Variants in WWOX observed in about 807,000 individuals in gnomAD.
WWOX encodes the protein WW domain containing oxidoreductase.
In WWOX, 69 loss-of-function variants were observed where a neutral mutation model predicts 46.2. That is an observed-to-expected ratio of 1.49 (90% CI 1.23 to 1.82). WWOX has a LOEUF of 1.82. Ranked by LOEUF, WWOX falls within the 40% of genes most tolerant of loss-of-function variation. The pLI, the probability that WWOX is intolerant of heterozygous loss-of-function variation, is 0.00. For missense variants in WWOX, 919 were observed against 542.6 expected (o/e 1.69, Z -6.89); for synonymous variants, 359 against 202.6 (o/e 1.77, Z -6.56).
intron 8 of WWOX, among the ~76,000 whole-genome samples, chr16:79,176,393 C>A (rs1270563825): frequency 6.6e-6 from 1 of 152,148 alleles, no homozygotes; most frequent in East Asian, 1.9e-4. Context: ...TGGCTATCTC[C>A]CACTGAAAAG....
At chr16:78,172,533 A>C (rs547731812) in intron 5 of WWOX, among the ~76,000 whole-genome samples, 3 of 150,518 alleles carry the variant, frequency 2.0e-5, no homozygotes, top group African/African-American at 7.3e-5. Context: ...AAAATTTTGC[A>C]CCGACTTAGT....
chr16:78,237,315 C>G (rs1285311992), intron 5 of WWOX: 1 of 152,120 alleles, frequency 6.6e-6, no homozygotes, highest in Non-Finnish European at 1.5e-5. Context: ...ACTTTTTAAT[C>G]TATTGTTTTT....
intron 8 of WWOX, among the ~76,000 whole-genome samples, chr16:78,531,158 G>A (rs1344833586): frequency 2.0e-5 from 3 of 152,170 alleles, no homozygotes; most frequent in Non-Finnish European, 4.4e-5. Context: ...TTCTCACAAT[G>A]TAGAAATTAA....
intron 8 of WWOX, among the ~76,000 whole-genome samples, chr16:78,470,431 G>C (rs2084193858): frequency 6.6e-6 from 1 of 152,152 alleles, no homozygotes; most frequent in South Asian, 2.1e-4. Flanking sequence ...GAGATAACCA[G>C]AAATAACTAA....
At position 79,171,657 on chromosome 16, in the gene WWOX, G is replaced by T. The variant is rs1251754681; in HGVS notation, c.1057-39951G>T. Reference sequence around the variant, plus strand: ...ACCCAAGGGAGACTGGTTCTTCACTGTGCATCATGGCCTTTTAATGCCATT... The same window carrying T: ...ACCCAAGGGAGACTGGTTCTTCACTTTGCATCATGGCCTTTTAATGCCATT... On this transcript the variant is annotated intron_variant, in intron 8 of 8. Transcript: ENST00000566780. Among the ~76,000 whole-genome samples, 3 of 152,128 alleles carry T rather than the reference G, an allele frequency of 2.0e-5. No individual in the cohort carries two copies. The East Asian group carries it at 5.8e-4, about 29-fold the overall frequency.
At chr16:78,775,503 C>T (rs771462931) in intron 8 of WWOX, among the ~76,000 whole-genome samples, 14 of 152,068 alleles carry the variant, frequency 9.2e-5, no homozygotes, top group African/African-American at 1.4e-4. Flanking sequence ...GTCACTGTAG[C>T]GCCCTCCGGG....
intron 8 of WWOX, among the ~76,000 whole-genome samples, chr16:78,868,521 T>C (rs907922718): frequency 1.3e-5 from 2 of 152,204 alleles, no homozygotes; most frequent in African/African-American, 2.4e-5. Flanking sequence ...TCATATGGTA[T>C]GTGAATTTCA....
chr16:78,913,508 G>C (rs999503074), intron 8 of WWOX, among the ~76,000 whole-genome samples: 2 of 151,946 alleles, frequency 1.3e-5, no homozygotes, highest in African/African-American at 2.4e-5. Context: ...ACACAAGCTG[G>C]ATAGAGCCAG....
intron 8 of WWOX, among the ~76,000 whole-genome samples, chr16:78,662,371 C>T (rs73565277): frequency 2.0e-5 from 3 of 152,262 alleles, no homozygotes; most frequent in South Asian, 2.1e-4. Flanking sequence ...AATGAGACAT[C>T]TAGTTTTTTT....
chr16:79,060,947 C>T lies in WWOX; in HGVS notation c.1057-150661C>T, dbSNP rs1280555773. Among the ~76,000 whole-genome samples the T allele has an allele frequency of 2.6e-5, 4 of 152,282 alleles. No homozygotes were observed. The East Asian group carries it at 5.8e-4, about 22-fold the overall frequency. On this transcript the variant is annotated intron_variant, in intron 8 of 8. Coordinates refer to ENST00000566780, the MANE Select transcript of WWOX (RefSeq NM_016373.4). Reference sequence around the variant, plus strand: ...CTATGAAATAGATGTTGTTATTTCACTGATGGAAAAACAAGCACAGAGAGG... The same window carrying T: ...CTATGAAATAGATGTTGTTATTTCATTGATGGAAAAACAAGCACAGAGAGG...
intron 8 of WWOX, among the ~76,000 whole-genome samples, chr16:78,737,774 C>T (rs1031878270): frequency 2.0e-5 from 3 of 152,116 alleles, no homozygotes; most frequent in Non-Finnish European, 2.9e-5. Context: ...TGATTTCCCC[C>T]ATCTGGCAGA....
intron 5 of WWOX, among the ~76,000 whole-genome samples, chr16:78,210,254 T>C (rs543237226): frequency 6.6e-6 from 1 of 152,286 alleles, no homozygotes; most frequent in African/African-American, 2.4e-5. Context: ...AAAAATTAAA[T>C]TGTATATTGA....
Position 78,574,846 on chromosome 16 carries a change from C to A in WWOX, c.1056+142094C>A, listed in dbSNP as rs138468473. On this transcript the variant is annotated intron_variant, in intron 8 of 8. Transcript: ENST00000566780. ...TGTTGATCTAAGGGTTCAAACTTCT[C>A]GTTAATAATAAACCAGTTCTGGAGA... Among the ~76,000 whole-genome samples the A allele has an allele frequency of 6.5e-3, 971 of 148,558 alleles. 3 individuals are homozygous for A. Among genetic ancestry groups the A allele is most frequent in the Middle Eastern group, 0.017 (5 of 288 alleles).
At chr16:78,789,162 A>G (rs895757135) in intron 8 of WWOX, among the ~76,000 whole-genome samples, 2 of 152,130 alleles carry the variant, frequency 1.3e-5, no homozygotes, top group African/African-American at 4.8e-5. Context: ...ATTTGGTGAG[A>G]GGAGTCTTCT....
chr16:78,594,584 A>G (rs1176314841), intron 8 of WWOX, among the ~76,000 whole-genome samples: 4 of 151,984 alleles, frequency 2.6e-5, no homozygotes, highest in East Asian at 3.9e-4. Context: ...GGCATAAGCC[A>G]TGGCATTTTC....
chr16:79,155,100 G>A (rs1032681054), intron 8 of WWOX, among the ~76,000 whole-genome samples: 7 of 152,244 alleles, frequency 4.6e-5, no homozygotes, highest in African/African-American at 1.4e-4. Flanking sequence ...AAGGCAAGCC[G>A]GGAATGGTGG....
chr16:78,474,983 G>A (rs1446195348), intron 8 of WWOX, among the ~76,000 whole-genome samples: 1 of 151,792 alleles, frequency 6.6e-6, no homozygotes, highest in African/African-American at 2.4e-5. Context: ...ATTTAGGCAC[G>A]CCAGGTTTAT....
At chr16:79,025,184 T>G (rs2047613495) in intron 8 of WWOX, among the ~76,000 whole-genome samples, 1 of 152,172 alleles carries the variant, frequency 6.6e-6, no homozygotes, top group African/African-American at 2.4e-5. Context: ...GTGTCGGACT[T>G]GTTTCAGAAA....
At chr16:78,322,041 T>C (rs985034892) in intron 5 of WWOX, among the ~76,000 whole-genome samples, 5 of 152,140 alleles carry the variant, frequency 3.3e-5, no homozygotes, top group African/African-American at 1.2e-4. Context: ...CAGACCCAAA[T>C]GTTTTGCCTA....
Sources: gnomAD v4.1 joint callset for allele counts (sites outside exome capture counted in the v4.1 genomes callset) on GRCh38, gnomAD v4.1.1 for gene constraint, MANE v1.5 for transcripts, NCBI Gene and HGNC (gene_info 2026-07-23, HGNC 2026-07-21) for gene names.